The following NEDD4L variants were observed in gnomAD, a reference collection of about 807,000 sequenced individuals.
NEDD4L encodes the protein E3 ubiquitin-protein ligase NEDD4-like.
Under a neutral mutation model 148.9 loss-of-function variants are expected in NEDD4L, and 54 were observed. The observed-to-expected ratio is 0.36, with a 90% CI of 0.29 to 0.45. NEDD4L has a LOEUF of 0.45. Ranked by LOEUF, NEDD4L falls within the 20% of genes least tolerant of loss-of-function variation. NEDD4L has a pLI of 1.00. For synonymous variants in NEDD4L, 433 were observed against 440.7 expected (o/e 0.98, Z 0.22); for missense variants, 856 against 1,233.8 (o/e 0.69, Z 4.59).
intron 2 of NEDD4L, among the ~76,000 whole-genome samples, chr18:58,186,506 A>T (rs1172721978): frequency 6.6e-6 from 1 of 152,170 alleles, no homozygotes; most frequent in Non-Finnish European, 1.5e-5. Context: ...TCACACTCCC[A>T]GCAGATCATT....
At chr18:58,104,381 C>G (rs2084944531) in intron 1 of NEDD4L, among the ~76,000 whole-genome samples, 1 of 152,112 alleles carries the variant, frequency 6.6e-6, no homozygotes, top group Admixed American at 6.6e-5. Context: ...TGTGGAGATT[C>G]CTTCTGGGGC....
intron 30 of NEDD4L, among the ~76,000 whole-genome samples, chr18:58,391,978 A>G (rs556754398): frequency 2.6e-5 from 4 of 152,372 alleles, no homozygotes; most frequent in South Asian, 4.1e-4. Context: ...TTCTATGCCC[A>G]TGAATAACCT....
In NEDD4L at chr18:58,130,720, C is replaced by T. The variant is rs1342651476; in HGVS notation, c.49-35068C>T. ...GGGGTTTGGCTGTGATCTAGTGGAACTGTGGCAGTGTTGGGCTCTGGATTT... is the reference window on the plus strand; with the variant it reads ...GGGGTTTGGCTGTGATCTAGTGGAATTGTGGCAGTGTTGGGCTCTGGATTT... On this transcript the variant is annotated intron_variant, in intron 1 of 30. Transcript: ENST00000400345. Among the ~76,000 whole-genome samples the T allele has an allele frequency of 2.9e-5, 4 of 136,236 alleles. No individual in the cohort carries two copies. In the Admixed American group the frequency reaches 2.9e-4, roughly 10 times the overall value. The allele number at this position is 136,236 out of a possible 152,430, so 89.4% of individuals were successfully genotyped here.
chr18:58,398,939 A>T lies in NEDD4L; in HGVS notation c.*2670A>T, dbSNP rs1398156139. Reference sequence around the variant, plus strand: ...GCCTATCCCAGAGGTCCCAGCAGTCACACTGCTCTGCAGGCCGGGCTCTCT... The same window carrying T: ...GCCTATCCCAGAGGTCCCAGCAGTCTCACTGCTCTGCAGGCCGGGCTCTCT... On this transcript the variant is annotated 3_prime_UTR_variant, in exon 31 of 31. Transcript: ENST00000400345. The T allele has an allele frequency of 6.6e-6, 1 of 152,268 alleles. No individual in the cohort carries two copies. The highest frequency in any genetic ancestry group is 1.5e-5 in the Non-Finnish European group (1 of 68,068). 9.4% of individuals were successfully genotyped at this position (152,268 alleles called of 1,614,324 possible).
chr18:58,259,610 T>G (rs900046456), intron 5 of NEDD4L, among the ~76,000 whole-genome samples: 2 of 152,240 alleles, frequency 1.3e-5, no homozygotes, highest in African/African-American at 4.8e-5. Context: ...ATTGGTGTTA[T>G]GAAGTACTCA....
At chr18:58,088,250 T>A (rs556755588) in intron 1 of NEDD4L, among the ~76,000 whole-genome samples, 1 of 152,338 alleles carries the variant, frequency 6.6e-6, no homozygotes, top group South Asian at 2.1e-4. Flanking sequence ...TTCTGCAATA[T>A]CCTGTGGGTT....
intron 5 of NEDD4L, among the ~76,000 whole-genome samples, chr18:58,254,993 A>C (rs2048339695): frequency 6.6e-6 from 1 of 152,222 alleles, no homozygotes; most frequent in East Asian, 1.9e-4. Flanking sequence ...AAATAACAGA[A>C]ACATGGTATC....
rs115505804 is a variant in NEDD4L, at chr18:58,156,186, G to A, written c.49-9602G>A. On this transcript the variant is annotated intron_variant, in intron 1 of 30. Transcript: ENST00000400345. ...AAACTAGTCCAGCGACCAGCCCATC[G>A]TAGTAGAAGCGTTGGTGTTCTTCCT... 8.8e-3 allele frequency among the ~76,000 whole-genome samples: 1,347 copies of A among 152,298 alleles called. 14 individuals carry two copies. The highest frequency in any genetic ancestry group is 0.031 in the African/African-American group (1,273 of 41,552).
chr18:58,167,710 C>G (rs2037041661), intron 2 of NEDD4L, among the ~76,000 whole-genome samples: 1 of 150,100 alleles, frequency 6.7e-6, no homozygotes. Flanking sequence ...TATAGAGCAT[C>G]AAGGGAAAAA....
intron 2 of NEDD4L, among the ~76,000 whole-genome samples, chr18:58,181,957 C>T (rs527820959): frequency 2.7e-4 from 41 of 152,126 alleles, no homozygotes; most frequent in African/African-American, 9.4e-4. Flanking sequence ...TATTGTTATC[C>T]CTTCCCTATA....
chr18:58,346,947 G>A (rs527776228), intron 16 of NEDD4L, among the ~76,000 whole-genome samples: 49 of 151,954 alleles, frequency 3.2e-4, no homozygotes, highest in African/African-American at 1.1e-3. Context: ...GGCTCGGTGG[G>A]AGTCAGGGCT....
At chr18:58,240,443 T>C (rs1266411579) in intron 2 of NEDD4L, among the ~76,000 whole-genome samples, 1 of 152,180 alleles carries the variant, frequency 6.6e-6, no homozygotes, top group Non-Finnish European at 1.5e-5. Flanking sequence ...CATTATTTGG[T>C]AGGCCCTTGC....
chr18:58,078,952 A>G (rs187921914), intron 1 of NEDD4L, among the ~76,000 whole-genome samples: 1 of 152,298 alleles, frequency 6.6e-6, no homozygotes, highest in East Asian at 1.9e-4. Context: ...GAGGGAAAAT[A>G]ATACCTGTAT....
chr18:58,086,798 C>T (rs1468015509), intron 1 of NEDD4L, among the ~76,000 whole-genome samples: 1 of 152,170 alleles, frequency 6.6e-6, no homozygotes, highest in Non-Finnish European at 1.5e-5. Context: ...AAATTGCCTC[C>T]AAATTTAGCA....
intron 1 of NEDD4L, among the ~76,000 whole-genome samples, chr18:58,107,935 G>A (rs978092124): frequency 4.6e-5 from 7 of 152,012 alleles, no homozygotes; most frequent in Non-Finnish European, 8.8e-5. Context: ...GCTTCTGCTG[G>A]TCGTGAACTC....
intron 5 of NEDD4L, among the ~76,000 whole-genome samples, chr18:58,307,297 A>G (rs1441842346): frequency 2.1e-5 from 3 of 145,096 alleles, no homozygotes; most frequent in Non-Finnish European, 2.9e-5. Flanking sequence ...CAGGAAGCAC[A>G]CTAGCAGGAC....
chr18:58,070,924 G>A (rs945456679), intron 1 of NEDD4L, among the ~76,000 whole-genome samples: 1 of 152,118 alleles, frequency 6.6e-6, no homozygotes, highest in Non-Finnish European at 1.5e-5. Flanking sequence ...TGGGATGGGG[G>A]AAGAATTTGA....
chr18:58,169,339 A>G (rs190449240), intron 2 of NEDD4L, among the ~76,000 whole-genome samples: 95 of 152,308 alleles, frequency 6.2e-4, no homozygotes, highest in African/African-American at 2.2e-3. Context: ...TTCCCTTTGG[A>G]TCATACCTTG....
At chr18:58,093,510 G>A (rs534346391) in intron 1 of NEDD4L, among the ~76,000 whole-genome samples, 8 of 149,766 alleles carry the variant, frequency 5.3e-5, no homozygotes, top group Admixed American at 2.7e-4. Context: ...GTTGTCTCTA[G>A]GTGGGGTAAA....
Sources: gnomAD v4.1 joint callset for allele counts (sites outside exome capture counted in the v4.1 genomes callset) on GRCh38, gnomAD v4.1.1 for gene constraint, MANE v1.5 for transcripts, NCBI Gene and HGNC (gene_info 2026-07-23, HGNC 2026-07-21) for gene names.